Variants in DNAH12 observed in about 807,000 individuals in gnomAD.
The protein encoded by DNAH12 is axonemal beta dynein heavy chain 12.
In DNAH12, 285 loss-of-function variants were observed where a neutral mutation model predicts 371.5. The ratio of observed to expected loss-of-function variants is 0.77; its 90% CI spans 0.70 to 0.85. DNAH12 has a LOEUF of 0.85. Ranked by LOEUF, DNAH12 falls within the 40% of genes least tolerant of loss-of-function variation. The pLI, the probability that DNAH12 is intolerant of heterozygous loss-of-function variation, is 0.00. For missense variants in DNAH12, 3,611 were observed against 3,689.4 expected, an observed-to-expected ratio of 0.98 and a Z score of 0.55; for synonymous variants, 1,200 against 1,213.0, an observed-to-expected ratio of 0.99 and a Z score of 0.22.
chr3:57,385,976 C>A (rs2063492504), intron 47 of DNAH12, among the ~76,000 whole-genome samples: 1 of 152,094 alleles, frequency 6.6e-6, no homozygotes, highest in South Asian at 2.1e-4. Flanking sequence ...AAAGCAGCAT[C>A]TCAGAGTATT....
intron 4 of DNAH12, chr3:57,519,753 G>T: frequency 6.2e-7 from 1 of 1,608,420 alleles, no homozygotes; most frequent in Non-Finnish European, 8.5e-7. Context: ...ACATGCAGCA[G>T]TTGCGGAAGG....
chr3:57,520,662 C>T (rs561361857), intron 4 of DNAH12, among the ~76,000 whole-genome samples: 8 of 151,518 alleles, frequency 5.3e-5, no homozygotes, highest in African/African-American at 1.9e-4. Context: ...AGGATGGTCT[C>T]GATCTCCTGA....
chr3:57,340,218 CAG>C (rs1296319861), intron 60 of DNAH12, among the ~76,000 whole-genome samples: 4 of 151,114 alleles, frequency 2.6e-5, no homozygotes, highest in Non-Finnish European at 5.9e-5. Flanking sequence ...ACATTAAAAA[CAG>C]AAAGATTTCA....
At chr3:57,502,234 T>C (rs1020842301) in intron 10 of DNAH12, 89 bp downstream of exon 10, 3 of 1,530,094 alleles carry the variant, frequency 2.0e-6, no homozygotes, top group Admixed American at 1.7e-5. Context: ...TGTTCTTTCA[T>C]GGCAGCCCCA....
chr3:57,353,159 ACT>A (rs1470841995), intron 59 of DNAH12, among the ~76,000 whole-genome samples: 1 of 152,000 alleles, frequency 6.6e-6, no homozygotes, highest in African/African-American at 2.4e-5. Flanking sequence ...GTTGACTGAT[ACT>A]CTTTATACTC....
chr3:57,436,260 A>G (rs1013455337), intron 30 of DNAH12, among the ~76,000 whole-genome samples: 2 of 152,136 alleles, frequency 1.3e-5, no homozygotes, highest in African/African-American at 2.4e-5. Context: ...CAAAATGTCC[A>G]TAGCCACTTT....
intron 60 of DNAH12, among the ~76,000 whole-genome samples, chr3:57,335,337 T>A (rs1337401916): frequency 6.6e-6 from 1 of 152,124 alleles, no homozygotes; most frequent in Non-Finnish European, 1.5e-5. Context: ...TGACTGGAGT[T>A]TGTGAGCAGA....
intron 22 of DNAH12, among the ~76,000 whole-genome samples, chr3:57,455,134 T>C (rs896325471): frequency 6.6e-6 from 1 of 152,106 alleles, no homozygotes; most frequent in Non-Finnish European, 1.5e-5. Context: ...AATGGGTAGA[T>C]TTAACTGTTG....
chr3:57,306,160 A>G (rs2061465711), intron 69 of DNAH12, among the ~76,000 whole-genome samples: 1 of 151,770 alleles, frequency 6.6e-6, no homozygotes, highest in South Asian at 2.1e-4. Flanking sequence ...GAAGACTGAC[A>G]CTGCCCGATC....
At chr3:57,538,750 C>A (rs953501839) in intron 2 of DNAH12, among the ~76,000 whole-genome samples, 1 of 152,198 alleles carries the variant, frequency 6.6e-6, no homozygotes, top group Non-Finnish European at 1.5e-5. Context: ...CTAACTCTCA[C>A]TCTCGCTCTC....
chr3:57,323,588 T>A lies in DNAH12; in HGVS notation c.10010A>T (p.Asp3337Val). The A allele has an allele frequency of 6.5e-7, 1 of 1,550,010 alleles. No individual in the cohort carries two copies. The highest frequency in any genetic ancestry group is 8.7e-7 in the Non-Finnish European group (1 of 1,146,570). The stretch of plus-strand genomic sequence containing the variant: ...CTCTACAAACTTTTTCCCTAGTTTG[T>A]CAGTTACATAGTTTGTTATAGCTGG... ...ITPAITNYVT[D>V]KLGKKFVEPP... Residue 3337 changes from aspartate to valine, a missense_variant, in exon 63 of 74, where the codon GAC becomes GTC. By Grantham distance (152) the Asp-to-Val change is radical (BLOSUM62 -3). This residue lies in a region of DNAH12 where 2,266 missense variants were observed against 2,236.9 expected (regional missense o/e 1.01). Transcript: ENST00000495027.
At chr3:57,312,285 C>T (rs552550905) in intron 66 of DNAH12, among the ~76,000 whole-genome samples, 1 of 152,196 alleles carries the variant, frequency 6.6e-6, no homozygotes, top group South Asian at 2.1e-4. Flanking sequence ...GAATTATTTG[C>T]AAAAAGAGTA....
At chr3:57,393,327 T>C (rs988303825) in intron 44 of DNAH12, among the ~76,000 whole-genome samples, 4 of 152,130 alleles carry the variant, frequency 2.6e-5, no homozygotes, top group Non-Finnish European at 5.9e-5. Context: ...ACTTTCATCT[T>C]AGAAATGAGG....
chr3:57,371,964 A>AAAAAAAAAAAAAAAAAAAC (rs2063183534), intron 55 of DNAH12, among the ~76,000 whole-genome samples: 1 of 145,990 alleles, frequency 6.8e-6, no homozygotes, highest in Non-Finnish European at 1.5e-5. Context: ...AAAAAAAAAA[A>AAAAAAAAAAAAAAAAAAAC]ATTCTTTCAA....
chr3:57,518,532 A>AAAAAG (rs3039031), intron 4 of DNAH12, among the ~76,000 whole-genome samples: 88,707 of 149,522 alleles, frequency 0.59, 27,153 homozygotes, highest in Non-Finnish European at 0.66. Context: ...CTGTCTCAAA[A>AAAAAG]AAAAGAAAAG....
intron 2 of DNAH12, among the ~76,000 whole-genome samples, chr3:57,526,236 T>A (rs1049113872): frequency 2.6e-5 from 4 of 152,202 alleles, no homozygotes; most frequent in Non-Finnish European, 4.4e-5. Context: ...TGCCCACAGA[T>A]AAGTGAAAAC....
intron 49 of DNAH12, among the ~76,000 whole-genome samples, chr3:57,383,409 A>G (rs903206315): frequency 5.9e-5 from 9 of 152,126 alleles, no homozygotes; most frequent in Admixed American, 4.6e-4. Flanking sequence ...CAAGAATCCT[A>G]TATCAGGGGA....
chr3:57,542,662 G>A (rs1270983693), intron 2 of DNAH12, 39 bp downstream of exon 2: 2 of 1,539,686 alleles, frequency 1.3e-6, no homozygotes, highest in Non-Finnish European at 1.7e-6. Flanking sequence ...CATTTTACTT[G>A]AATTCCAAGC....
chr3:57,410,124 C>T (rs139056015), intron 39 of DNAH12, among the ~76,000 whole-genome samples: 1 of 152,248 alleles, frequency 6.6e-6, no homozygotes, highest in Admixed American at 6.5e-5. Context: ...AAAGTGCAGG[C>T]ATACCCCATT....
Sources: allele counts gnomAD v4.1 joint callset (sites outside exome capture counted in the v4.1 genomes callset), GRCh38; gene constraint gnomAD v4.1.1; regional missense constraint gnomAD v4.1.1; transcripts MANE v1.5; gene names NCBI Gene and HGNC (gene_info 2026-07-23, HGNC 2026-07-21).